PIP4K2B: variants seen among roughly 807,000 people sequenced by gnomAD.
PIP4K2B encodes phosphatidylinositol 5-phosphate 4-kinase type-2 beta.
A neutral mutation model predicts 42.0 loss-of-function variants in PIP4K2B; 3 were observed. That is an observed-to-expected ratio of 0.07 (90% CI 0.03 to 0.18). The LOEUF (loss-of-function observed/expected upper bound fraction) is 0.18, where lower values mean the gene tolerates loss of function less well. Ranked by LOEUF, PIP4K2B falls within the 10% of genes least tolerant of loss-of-function variation. The pLI is 1.00. For synonymous variants in PIP4K2B, 204 were observed against 210.1 expected, an observed-to-expected ratio of 0.97 and a Z score of 0.25; for missense variants, 332 against 562.3, an observed-to-expected ratio of 0.59 and a Z score of 4.14.
rs1321746839 is a variant in PIP4K2B at position 38,768,870 on chromosome 17, G to A, written c.*821C>T. On this transcript the variant is annotated 3_prime_UTR_variant, in exon 10 of 10. Coordinates refer to ENST00000619039, the MANE Select transcript of PIP4K2B (RefSeq NM_003559.5). The stretch of plus-strand genomic sequence containing the variant: ...TACAGAGAGGACTTCTGAACTCCAG[G>A]GGCTAAGACAGCCTGGGGCTTGGGT... 6.6e-6 allele frequency: 1 copy of A among 152,514 alleles called. No individual in the cohort carries two copies. The highest frequency in any genetic ancestry group is 1.5e-5 in the Non-Finnish European group (1 of 68,026). The allele number at this position is 152,514 out of a possible 1,614,324, so 9.4% of individuals were successfully genotyped here.
At chr17:38,795,519 G>C (rs1046755314) in intron 1 of PIP4K2B, among the ~76,000 whole-genome samples, 1 of 152,220 alleles carries the variant, frequency 6.6e-6, no homozygotes, top group Non-Finnish European at 1.5e-5. Flanking sequence ...GGGAAGCCAA[G>C]GCAGGTGGAT....
chr17:38,773,302 C>A (rs1046343719), intron 7 of PIP4K2B, among the ~76,000 whole-genome samples: 5 of 152,114 alleles, frequency 3.3e-5, no homozygotes, highest in African/African-American at 1.2e-4. Flanking sequence ...CAAAACCATA[C>A]AAGAATGGCA....
At position 38,799,341 on chromosome 17, in the gene PIP4K2B, G is replaced by A. The variant is rs746631070; in HGVS notation, c.84C>T (p.Phe28=). The part of the protein sequence containing the change: ...ASKTKTKKKH[F]VCQKVKLFRA... ...GGAATAGCTTCACTTTCTGGCACAC[G>A]AAATGCTTCTTCTTGGTCTTGGTCT... is the stretch of plus-strand genomic sequence containing the variant. Residue 28 remains phenylalanine (F), a synonymous_variant, in exon 1 of 10, where the codon TTC becomes TTT. Transcript: ENST00000619039. This position sits in a 1 kb window ranked among gnomAD's most constrained non-coding sequence, Gnocchi z 4.4. 2 of 1,609,574 alleles carry A rather than the reference G, an allele frequency of 1.2e-6. No homozygotes were observed. Among genetic ancestry groups the A allele is most frequent in the Admixed American group, 3.3e-5 (2 of 59,764 alleles).
At chr17:38,788,505 A>T (rs992064459) in intron 1 of PIP4K2B, among the ~76,000 whole-genome samples, 4 of 151,810 alleles carry the variant, frequency 2.6e-5, no homozygotes, top group Non-Finnish European at 5.9e-5. Context: ...CGGCTGTAAT[A>T]GATTAAAGTG....
intron 1 of PIP4K2B, among the ~76,000 whole-genome samples, chr17:38,796,334 A>G (rs1910660714): frequency 6.6e-6 from 1 of 152,182 alleles, no homozygotes; most frequent in Non-Finnish European, 1.5e-5. Flanking sequence ...GGTTAAATAC[A>G]GAGTCACCAT....
rs1908683542 is a variant in PIP4K2B, at chr17:38,766,022, G to GT, written c.*3668dup. 6.5e-6 allele frequency: 1 copy of GT among 152,698 alleles called. No individual in the cohort carries two copies. The highest frequency in any genetic ancestry group is 2.4e-5 in the African/African-American group (1 of 41,466). The allele number at this position is 152,698 out of a possible 1,614,324, so 9.5% of individuals were successfully genotyped here. ...GTGTTGGCTCCCACCGCCTCTCACA[G>GT]TGGCTCTGCGCAAGGGCAAGAGGCT... On this transcript the variant is annotated 3_prime_UTR_variant, in exon 10 of 10. Coordinates refer to ENST00000619039, the MANE Select transcript of PIP4K2B (RefSeq NM_003559.5).
Position 38,799,384 on chromosome 17 carries a change from G to A in PIP4K2B, c.41C>T (p.Ala14Val). 1.2e-6 allele frequency: 2 copies of A among 1,604,110 alleles called. No homozygotes were observed. The highest frequency in any genetic ancestry group is 1.1e-5 in the South Asian group (1 of 90,530). The change falls in exon 1 of 10, where the codon GCG becomes GTG. Residue 14 changes from alanine to valine, a missense_variant. Transcript: ENST00000619039. The surrounding 1 kb of genome is among the most constrained non-coding windows in gnomAD (Gnocchi z 4.4). ...CTTGGTCTTGCTGGCGCTGAGCGGC[G>A]CCACCGCCACCGCCGTGGTGCTGGT... ...NCTSTTAVAV[A>V]PLSASKTKTK... is the part of the protein sequence containing the mutation.
At chr17:38,770,327 G>A (rs1908941719) in intron 9 of PIP4K2B, 109 bp downstream of exon 9, 1 of 712,098 alleles carries the variant, frequency 1.4e-6, no homozygotes, top group Non-Finnish European at 2.6e-6. Flanking sequence ...AAGGAGACAG[G>A]AGTGTGTTCC....
intron 8 of PIP4K2B, among the ~76,000 whole-genome samples, 178 bp from the exon 9 acceptor site, chr17:38,770,717 TCA>T (rs969765567): frequency 1.3e-5 from 2 of 152,034 alleles, no homozygotes; most frequent in Admixed American, 6.6e-5. Context: ...TATTGGATCT[TCA>T]CAGTCACTCT....
chr17:38,786,773 G>T, intron 2 of PIP4K2B, 50 bp downstream of exon 2: 1 of 1,190,758 alleles, frequency 8.4e-7, no homozygotes, highest in Non-Finnish European at 1.3e-6. Context: ...CCTCTGACTT[G>T]AGGGAAAGGA....
chr17:38,776,262 G>A (rs1361337069), intron 7 of PIP4K2B, among the ~76,000 whole-genome samples: 6 of 152,010 alleles, frequency 3.9e-5, no homozygotes, highest in Admixed American at 2.6e-4. Flanking sequence ...GAGCCACCTC[G>A]CTTGGCTGTT....
At chr17:38,791,543 C>T (rs1349537860) in intron 1 of PIP4K2B, among the ~76,000 whole-genome samples, 6 of 149,994 alleles carry the variant, frequency 4.0e-5, no homozygotes, top group Non-Finnish European at 7.4e-5. Flanking sequence ...CTGAGTAGCT[C>T]GGATTATAGG....
At chr17:38,785,540 G>T (rs553553283) in intron 2 of PIP4K2B, among the ~76,000 whole-genome samples, 1 of 152,082 alleles carries the variant, frequency 6.6e-6, no homozygotes, top group South Asian at 2.1e-4. Flanking sequence ...TTAGCCGGGC[G>T]TGGTGGTGGG....
At position 38,772,173 on chromosome 17, in the gene PIP4K2B, G is replaced by GTAC. The variant is rs560339950; in HGVS notation, c.808-902_808-901insGTA. On this transcript the variant is annotated intron_variant, in intron 7 of 9. Coordinates refer to ENST00000619039, the MANE Select transcript of PIP4K2B (RefSeq NM_003559.5). ...ACCCATTATGAGTCCTAAACCCAAT[G>GTAC]TAGTGGGCTGGAACTAGGATTTCTT... 8.5e-3 allele frequency among the ~76,000 whole-genome samples: 1,291 copies of GTAC among 152,314 alleles called. 4 individuals carry two copies. Among genetic ancestry groups the GTAC allele is most frequent in the Non-Finnish European group, 0.014 (936 of 68,022 alleles).
At chr17:38,785,599 A>G (rs1909964471) in intron 2 of PIP4K2B, among the ~76,000 whole-genome samples, 2 of 152,198 alleles carry the variant, frequency 1.3e-5, no homozygotes, top group African/African-American at 2.4e-5. Context: ...GAATCACTTG[A>G]ACCCGGGAGG....
At chr17:38,783,845 C>T (rs1250823276) in intron 3 of PIP4K2B, among the ~76,000 whole-genome samples, 2 of 152,238 alleles carry the variant, frequency 1.3e-5, no homozygotes, top group African/African-American at 2.4e-5. Context: ...AGGTGACCTA[C>T]CTGCCTTGGC....
intron 7 of PIP4K2B, among the ~76,000 whole-genome samples, chr17:38,773,521 T>C (rs531276195): frequency 6.6e-6 from 1 of 152,252 alleles, no homozygotes; most frequent in Admixed American, 6.5e-5. Context: ...AGGATGGAAA[T>C]GGCCAGCTAG....
In PIP4K2B at chr17:38,766,123, ACT is replaced by A. The variant is rs1908689989; in HGVS notation, c.*3566_*3567del. 1 of 152,130 alleles carries A rather than the reference ACT, an allele frequency of 6.6e-6. No individual in the cohort carries two copies. Among genetic ancestry groups the A allele is most frequent in the African/African-American group, 2.4e-5 (1 of 41,380 alleles). The allele number at this position is 152,130 out of a possible 1,614,324, so 9.4% of individuals were successfully genotyped here. A position where few individuals can be genotyped will look rare whatever the true frequency, so the allele number is the denominator to read the frequency against. ...CTGAGTCTCCTTTTCCCCATGGGGC[ACT>A]CTTCATAAGTGGCACATTCTAGAGG... On this transcript the variant is annotated 3_prime_UTR_variant, in exon 10 of 10. Transcript: ENST00000619039.
chr17:38,784,306 C>T lies in PIP4K2B; in HGVS notation c.291G>A (p.Glu97=), dbSNP rs747037353. 48 of 1,613,822 alleles carry T rather than the reference C, an allele frequency of 3.0e-5. No individual in the cohort carries two copies. Among genetic ancestry groups the T allele is most frequent in the Non-Finnish European group, 4.1e-5 (48 of 1,179,736 alleles). Residue 97 remains glutamate (E), a synonymous_variant, in exon 3 of 10, where the codon GAG becomes GAA. Coordinates refer to ENST00000619039, the MANE Select transcript of PIP4K2B (RefSeq NM_003559.5). ...GGTTTCGGAACACCATGGGGCAATA[C>T]TCCTTAAACTTAAAGCGGCTGGGCA... ...ENLPSRFKFK[E]YCPMVFRNLR... is the part of the protein sequence containing the mutation.
Sources: allele counts gnomAD v4.1 joint callset (sites outside exome capture counted in the v4.1 genomes callset), GRCh38; gene constraint gnomAD v4.1.1; non-coding constraint Gnocchi (gnomAD v3.1); transcripts MANE v1.5; gene names NCBI Gene and HGNC (gene_info 2026-07-23, HGNC 2026-07-21).